Variants in TAFA5 observed in about 807,000 individuals in gnomAD.
The protein encoded by TAFA5 is TAFA chemokine like family member 5.
A neutral mutation model predicts 15.3 loss-of-function variants in TAFA5; 6 were observed. The ratio of observed to expected loss-of-function variants is 0.39; its 90% confidence interval spans 0.21 to 0.77. TAFA5 has a LOEUF of 0.77. Ranked by LOEUF, TAFA5 falls within the 30% of genes least tolerant of loss-of-function variation. TAFA5 has a pLI of 0.41. For missense variants in TAFA5, 161 were observed against 193.1 expected (o/e 0.83, Z 0.98); for synonymous variants, 103 against 80.7 (o/e 1.28, Z -1.48).
intron 1 of TAFA5, among the ~76,000 whole-genome samples, chr22:48,636,253 G>A (rs1202124367): frequency 6.6e-6 from 1 of 152,216 alleles, no homozygotes; most frequent in African/African-American, 2.4e-5. Context: ...ATGTGAGTGA[G>A]GGCAGCCTGG....
chr22:48,576,105 C>A (rs1923781424), intron 1 of TAFA5, among the ~76,000 whole-genome samples: 1 of 128,076 alleles, frequency 7.8e-6, no homozygotes, highest in Non-Finnish European at 1.7e-5. Flanking sequence ...GCCCTGCTGG[C>A]GGTGCGGCTC....
chr22:48,630,661 C>T (rs763422299), intron 1 of TAFA5, among the ~76,000 whole-genome samples: 58 of 152,168 alleles, frequency 3.8e-4, no homozygotes, highest in Non-Finnish European at 6.0e-4. Flanking sequence ...ACAATGACAG[C>T]GTCCACGTCT....
At chr22:48,596,869 T>G (rs1439686320) in intron 1 of TAFA5, among the ~76,000 whole-genome samples, 2 of 152,224 alleles carry the variant, frequency 1.3e-5, no homozygotes, top group Non-Finnish European at 2.9e-5. Flanking sequence ...AGTGCAGTGG[T>G]GCGACCTCAG....
intron 1 of TAFA5, among the ~76,000 whole-genome samples, chr22:48,580,752 G>C (rs1924006978): frequency 1.3e-5 from 2 of 152,190 alleles, no homozygotes; most frequent in Non-Finnish European, 2.9e-5. Context: ...CTTGGCATGG[G>C]GCTGCCCCGG....
intron 1 of TAFA5, among the ~76,000 whole-genome samples, chr22:48,507,388 C>T (rs1921037393): frequency 6.6e-6 from 1 of 152,206 alleles, no homozygotes; most frequent in Non-Finnish European, 1.5e-5. Flanking sequence ...AGCCCTGGTC[C>T]TTCCAGAGAG....
intron 3 of TAFA5, among the ~76,000 whole-genome samples, chr22:48,738,828 G>C (rs996700984): frequency 6.6e-6 from 1 of 152,138 alleles, no homozygotes; most frequent in Non-Finnish European, 1.5e-5. Flanking sequence ...ATCGGCCGTC[G>C]CAGGCAGCCC....
At chr22:48,716,803 C>A (rs1555901842) in intron 3 of TAFA5, among the ~76,000 whole-genome samples, 1 of 151,446 alleles carries the variant, frequency 6.6e-6, no homozygotes, top group Non-Finnish European at 1.5e-5. Context: ...TACTGTATGC[C>A]TGTGTGTGTG....
chr22:48,512,929 A>C (rs1168246888), intron 1 of TAFA5, among the ~76,000 whole-genome samples: 9 of 146,826 alleles, frequency 6.1e-5, no homozygotes, highest in African/African-American at 2.0e-4. Flanking sequence ...TCTCAAAAAA[A>C]AAAAAAAAAA....
chr22:48,515,792 C>T (rs1321219050), intron 1 of TAFA5, among the ~76,000 whole-genome samples: 1 of 152,146 alleles, frequency 6.6e-6, no homozygotes, highest in Admixed American at 6.5e-5. Flanking sequence ...GGCAAGGCCG[C>T]TGAAGCCACA....
intron 2 of TAFA5, among the ~76,000 whole-genome samples, chr22:48,679,257 CCCGGCTCCCCATCCATCCCTCTT>C (rs1458293629): frequency 7.8e-6 from 1 of 127,714 alleles, no homozygotes. Flanking sequence ...CCATCCCTCT[CCCGGCTCCCCATCCATCCCTCTT>C]CCGGCTCCCC....
chr22:48,532,684 G>A (rs992092181), intron 1 of TAFA5, among the ~76,000 whole-genome samples: 3 of 152,146 alleles, frequency 2.0e-5, no homozygotes, highest in Admixed American at 6.5e-5. Flanking sequence ...CATCTCACAC[G>A]TGGCTTCCAG....
intron 2 of TAFA5, among the ~76,000 whole-genome samples, chr22:48,655,353 A>T (rs1601647086): frequency 6.6e-6 from 1 of 152,306 alleles, no homozygotes; most frequent in South Asian, 2.1e-4. Context: ...CCACTTTGTG[A>T]TGTTGAGACT....
At chr22:48,667,400 C>A (rs1927653511) in intron 2 of TAFA5, among the ~76,000 whole-genome samples, 1 of 152,152 alleles carries the variant, frequency 6.6e-6, no homozygotes, top group Admixed American at 6.5e-5. Flanking sequence ...TGGAAAACTT[C>A]TAATAAAATT....
chr22:48,719,841 G>A (rs1281538766), intron 3 of TAFA5, among the ~76,000 whole-genome samples: 1 of 152,154 alleles, frequency 6.6e-6, no homozygotes, highest in Non-Finnish European at 1.5e-5. Context: ...AAACGTATAT[G>A]GCCGGCGCCA....
At chr22:48,536,331 C>T (rs552013373) in intron 1 of TAFA5, among the ~76,000 whole-genome samples, 34 of 152,328 alleles carry the variant, frequency 2.2e-4, no homozygotes, top group African/African-American at 7.9e-4. Context: ...CTCGGCAAGC[C>T]GGGAAACAAG....
At chr22:48,617,300 G>A (rs1925645174) in intron 1 of TAFA5, among the ~76,000 whole-genome samples, 1 of 152,192 alleles carries the variant, frequency 6.6e-6, no homozygotes, top group Admixed American at 6.5e-5. Context: ...GAGCCCAGGG[G>A]TGTGGCGGCC....
rs974684358 is a variant in TAFA5, at chr22:48,560,053, C to T, written c.112+70349C>T. On this transcript the variant is annotated intron_variant, in intron 1 of 3. Coordinates refer to ENST00000402357, the MANE Select transcript of TAFA5 (RefSeq NM_001082967.3). This position sits in a 1 kb window ranked among gnomAD's most constrained non-coding sequence, Gnocchi z 4.2. The stretch of plus-strand genomic sequence containing the variant: ...TCTTTCTATGCACACGCCGGCCATC[C>T]TCCATCAGGCAGCTGCCCTGGCCAC... Among the ~76,000 whole-genome samples, 1 of 152,170 alleles carries T rather than the reference C, an allele frequency of 6.6e-6. No homozygotes were observed. The highest frequency in any genetic ancestry group is 1.9e-4 in the East Asian group (1 of 5,186).
intron 2 of TAFA5, among the ~76,000 whole-genome samples, chr22:48,666,598 C>T (rs891734122): frequency 1.9e-5 from 1 of 51,406 alleles, no homozygotes; most frequent in Non-Finnish European, 4.0e-5. Context: ...GAGTGACCAG[C>T]CAGCATCCAC....
chr22:48,582,338 A>AAT (rs1482713015), intron 1 of TAFA5, among the ~76,000 whole-genome samples: 2 of 149,804 alleles, frequency 1.3e-5, no homozygotes, highest in Non-Finnish European at 3.0e-5. Context: ...CCACACACAA[A>AAT]ATACACCACA....
Sources: gnomAD v4.1 joint callset for allele counts (sites outside exome capture counted in the v4.1 genomes callset) on GRCh38, gnomAD v4.1.1 for gene constraint, Gnocchi (gnomAD v3.1) non-coding constraint, MANE v1.5 for transcripts, NCBI Gene and HGNC (gene_info 2026-07-23, HGNC 2026-07-21) for gene names.